Variants in PPIG observed in about 807,000 individuals in gnomAD.
PPIG encodes peptidyl-prolyl cis-trans isomerase G.
A neutral mutation model predicts 87.9 loss-of-function variants in PPIG; 26 were observed. That is an observed-to-expected ratio of 0.30 (90% CI 0.22 to 0.41). The LOEUF is 0.41. Ranked by LOEUF, PPIG falls within the 10% of genes least tolerant of loss-of-function variation. The pLI is 1.00. For synonymous variants in PPIG, 308 were observed against 276.5 expected (o/e 1.11, Z -1.13); for missense variants, 722 against 879.4 (o/e 0.82, Z 2.26).
intron 1 of PPIG, among the ~76,000 whole-genome samples, chr2:169,600,808 T>A (rs1685159925): frequency 6.6e-6 from 1 of 152,230 alleles, no homozygotes; most frequent in South Asian, 2.1e-4. Context: ...CTCATTTACT[T>A]AGAGATAGAC....
intron 8 of PPIG, 35 bp from the exon 9 acceptor site, chr2:169,614,550 G>C: frequency 1.3e-6 from 2 of 1,565,492 alleles, no homozygotes; most frequent in Non-Finnish European, 1.7e-6. Context: ...GAAATAAAAA[G>C]CTTTTATTTA....
At chr2:169,601,990 C>G (rs1283824400) in intron 1 of PPIG, among the ~76,000 whole-genome samples, 3 of 151,920 alleles carry the variant, frequency 2.0e-5, no homozygotes, top group African/African-American at 7.3e-5. Context: ...CATCACTAAT[C>G]TGAAAATCTG....
At chr2:169,591,920 A>ATTTTTT (rs3067016) in intron 1 of PPIG, among the ~76,000 whole-genome samples, 43 of 87,404 alleles carry the variant, frequency 4.9e-4, no homozygotes, top group African/African-American at 5.6e-4. Context: ...GCAATTCATG[A>ATTTTTT]TTTTTTTTTT....
chr2:169,624,010 A>G (rs145868670), intron 9 of PPIG, among the ~76,000 whole-genome samples: 1 of 152,152 alleles, frequency 6.6e-6, no homozygotes, highest in Non-Finnish European at 1.5e-5. Context: ...TTCTGTTGCC[A>G]GGCTGGAGTG....
At chr2:169,607,529 A>T (rs1685366181) in intron 6 of PPIG, among the ~76,000 whole-genome samples, 1 of 152,216 alleles carries the variant, frequency 6.6e-6, no homozygotes, top group Non-Finnish European at 1.5e-5. Flanking sequence ...ATATTCTAAA[A>T]TTTGACTATA....
At chr2:169,615,691 G>A (rs528360035) in intron 9 of PPIG, among the ~76,000 whole-genome samples, 11 of 150,408 alleles carry the variant, frequency 7.3e-5, no homozygotes, top group African/African-American at 1.2e-4. Context: ...TAAAAAATCC[G>A]TTCATCTGTT....
At chr2:169,617,563 G>C (rs575573842) in intron 9 of PPIG, among the ~76,000 whole-genome samples, 1 of 152,230 alleles carries the variant, frequency 6.6e-6, no homozygotes, top group African/African-American at 2.4e-5. Context: ...TCCTTGAAGA[G>C]GTCCTTCACA....
chr2:169,600,819 T>C (rs1574441844), intron 1 of PPIG, among the ~76,000 whole-genome samples: 1 of 152,316 alleles, frequency 6.6e-6, no homozygotes, highest in South Asian at 2.1e-4. Flanking sequence ...AGAGATAGAC[T>C]CAATATTTTC....
intron 1 of PPIG, among the ~76,000 whole-genome samples, chr2:169,588,556 C>T (rs1398098533): frequency 6.6e-6 from 1 of 152,168 alleles, no homozygotes; most frequent in Non-Finnish European, 1.5e-5. Flanking sequence ...GTAGGAATTA[C>T]TGGATTGAAT....
At position 169,636,441 on chromosome 2, in the gene PPIG, C is replaced by A; in HGVS notation, c.1183C>A (p.Gln395Lys). 1 of 1,542,892 alleles carries A rather than the reference C, an allele frequency of 6.5e-7. No homozygotes were observed. The highest frequency in any genetic ancestry group is 8.7e-7 in the Non-Finnish European group (1 of 1,148,188). The change falls in exon 14 of 14, where the codon CAG becomes AAG. Residue 395 changes from glutamine (Q) to lysine (K), a missense_variant. Gln to Lys is a moderately conservative substitution (Grantham distance 53). This residue lies in a region of PPIG where 476 missense variants were observed against 483.1 expected (regional missense o/e 0.99). Coordinates refer to ENST00000260970, the MANE Select transcript of PPIG (RefSeq NM_004792.3). The stretch of plus-strand genomic sequence containing the variant: ...TGAGTTGAATGAAATAAAAGAAAAT[C>A]AGAGAAGTCCAGTTAGAGTAAAAGA... ...KSELNEIKEN[Q>K]RSPVRVKERK... is the part of the protein sequence containing the mutation.
chr2:169,636,820 A>C lies in PPIG; in HGVS notation c.1562A>C (p.Lys521Thr), dbSNP rs141299209. The C allele has an allele frequency of 1.3e-5, 21 of 1,613,524 alleles. No individual in the cohort carries two copies. The African/African-American group carries it at 2.5e-4, about 19-fold the overall frequency. ...QERSRSKEKS[K>T]QLESKSNEHD... ...AGGAGTAGAAGTAAAGAGAAGTCTA[A>C]ACAGTTAGAATCAAAGAGTAATGAG... Residue 521 changes from lysine (K) to threonine (T), a missense_variant, in exon 14 of 14, where the codon AAA (lysine) becomes ACA (threonine). Physicochemically the swap from Lys to Thr is moderately conservative, Grantham distance 78 (BLOSUM62 -1). This residue lies in a region of PPIG where 476 missense variants were observed against 483.1 expected (regional missense o/e 0.99). Coordinates refer to ENST00000260970, the MANE Select transcript of PPIG (RefSeq NM_004792.3).
At position 169,604,200 on chromosome 2, in the gene PPIG, C is replaced by T; in HGVS notation, c.75C>T (p.Val25=). The T allele has an allele frequency of 6.2e-7, 1 of 1,613,098 alleles. No homozygotes were observed. The highest frequency in any genetic ancestry group is 8.5e-7 in the Non-Finnish European group (1 of 1,179,800). The stretch of plus-strand genomic sequence containing the variant: ...CTTCTTTTTCAGCTGGAAGAGTTGT[C>T]TTTGAATTATTTTCTGATGTGTGCC... The part of the protein sequence containing the change: ...AINNQPAGRV[V]FELFSDVCPK... The change falls in exon 4 of 14, where the codon GTC becomes GTT. Residue 25 remains valine (V), a synonymous_variant. Coordinates refer to ENST00000260970, the MANE Select transcript of PPIG (RefSeq NM_004792.3).
At chr2:169,613,324 A>G (rs1395063227) in intron 7 of PPIG, among the ~76,000 whole-genome samples, 2 of 152,220 alleles carry the variant, frequency 1.3e-5, no homozygotes, top group Non-Finnish European at 2.9e-5. Flanking sequence ...ATTCAGCTAT[A>G]TGTTATAATT....
chr2:169,590,985 C>A (rs1000933162), intron 1 of PPIG, among the ~76,000 whole-genome samples: 1 of 152,154 alleles, frequency 6.6e-6, no homozygotes, highest in Non-Finnish European at 1.5e-5. Flanking sequence ...CCAGCCTGAG[C>A]GGCATAGCGA....
At chr2:169,595,979 T>C (rs1685005409) in intron 1 of PPIG, among the ~76,000 whole-genome samples, 2 of 151,630 alleles carry the variant, frequency 1.3e-5, no homozygotes, top group South Asian at 4.2e-4. Flanking sequence ...TAATTTTGTA[T>C]TTTTAGTAGA....
chr2:169,628,618 C>T (rs1166508361), intron 9 of PPIG, among the ~76,000 whole-genome samples: 2 of 152,042 alleles, frequency 1.3e-5, no homozygotes, highest in African/African-American at 4.8e-5. Flanking sequence ...TGAGGCCAGC[C>T]TGTGCAACAT....
rs559620866 is a variant in PPIG, at chr2:169,584,460, C to T, written c.-100C>T. On this transcript the variant is annotated 5_prime_UTR_variant, in exon 1 of 14. Transcript: ENST00000260970. The stretch of plus-strand genomic sequence containing the variant: ...ATTTGAAGCGCTTCAAAGGACCGGA[C>T]CCAGAGAAGAGGAAAACTCTACCGG... 7 of 470,812 alleles carry T rather than the reference C, an allele frequency of 1.5e-5. No homozygotes were observed. The highest frequency in any genetic ancestry group is 2.4e-5 in the Admixed American group (1 of 42,536). 29.2% of individuals were successfully genotyped at this position (470,812 alleles called of 1,614,324 possible). A position where few individuals can be genotyped will look rare whatever the true frequency, so the allele number is the denominator to read the frequency against.
rs1030752842 is a variant in PPIG, at chr2:169,584,368, T to C, written c.-192T>C. ...CTTCCGGTGCGACGCTGTCTCTCCA[T>C]GCCAGGACTGAGTTGTGGGGGAGGG... On this transcript the variant is annotated 5_prime_UTR_variant, in exon 1 of 14. The change abolishes an upstream ATG in the 5' untranslated region. Transcript: ENST00000260970. 1 of 471,158 alleles carries C rather than the reference T, an allele frequency of 2.1e-6. No individual in the cohort carries two copies. Among genetic ancestry groups the C allele is most frequent in the South Asian group, 1.5e-5 (1 of 64,564 alleles). 29.2% of individuals were successfully genotyped at this position (471,158 alleles called of 1,614,324 possible).
chr2:169,596,095 C>T lies in PPIG; in HGVS notation c.-69-7547C>T, dbSNP rs181257075. On this transcript the variant is annotated intron_variant, in intron 1 of 13. Transcript: ENST00000260970. ...CTGGGATTACAGGCCTGAGCCACTG[C>T]GCCCGGCCTTTTTGTTTGTTTTTTT... Among the ~76,000 whole-genome samples, 300 of 148,900 alleles carry T rather than the reference C, an allele frequency of 2.0e-3. 1 individual carries two copies. Among genetic ancestry groups the T allele is most frequent in the African/African-American group, 7.1e-3 (287 of 40,278 alleles).
Sources: gnomAD v4.1 joint callset for allele counts (sites outside exome capture counted in the v4.1 genomes callset) on GRCh38, gnomAD v4.1.1 for gene constraint, gnomAD v4.1.1 regional missense constraint, MANE v1.5 for transcripts, NCBI Gene and HGNC (gene_info 2026-07-23, HGNC 2026-07-21) for gene names.